The following NUBPL variants were observed in gnomAD, a reference collection of about 807,000 sequenced individuals.
NUBPL encodes NUBP iron-sulfur cluster assembly factor, mitochondrial, also known as iron-sulfur cluster transfer protein NUBPL.
Under a neutral mutation model 45.7 loss-of-function variants are expected in NUBPL, and 31 were observed. The ratio of observed to expected loss-of-function variants is 0.68; its 90% CI spans 0.51 to 0.92. NUBPL has a LOEUF of 0.92. NUBPL is among the 40% of genes least tolerant of loss of function. The probability of loss-of-function intolerance (pLI) is 0.00; values close to 1 mark genes in which losing one functional copy is unlikely to be tolerated. For synonymous variants in NUBPL, 144 were observed against 140.9 expected (o/e 1.02, Z -0.15); for missense variants, 401 against 398.7 (o/e 1.01, Z -0.05).
At chr14:31,653,654 A>C (rs1473621578) in intron 4 of NUBPL, among the ~76,000 whole-genome samples, 2 of 152,200 alleles carry the variant, frequency 1.3e-5, no homozygotes, top group African/African-American at 4.8e-5. Flanking sequence ...CATGTTTTAC[A>C]GTCAATTTGT....
At chr14:31,853,080 GTGTTT>G (rs77960720) in intron 10 of NUBPL, among the ~76,000 whole-genome samples, 1,978 of 118,294 alleles carry the variant, frequency 0.017, 50 homozygotes, top group African/African-American at 0.097. Context: ...GTGTTGTGTT[GTGTTT>G]TGTTTTGTTT....
At chr14:31,641,613 G>C (rs2035702211) in intron 4 of NUBPL, among the ~76,000 whole-genome samples, 1 of 152,160 alleles carries the variant, frequency 6.6e-6, no homozygotes, top group Non-Finnish European at 1.5e-5. Flanking sequence ...CCATATTTTA[G>C]GTCTTGTGAA....
At chr14:31,854,912 A>C (rs901274487) in intron 10 of NUBPL, among the ~76,000 whole-genome samples, 11 of 152,268 alleles carry the variant, frequency 7.2e-5, no homozygotes, top group African/African-American at 2.7e-4. Context: ...TGAGAAATTG[A>C]AACTGTTAAA....
chr14:31,582,544 A>G (rs2139499179), intron 3 of NUBPL, among the ~76,000 whole-genome samples: 1 of 152,284 alleles, frequency 6.6e-6, no homozygotes, highest in East Asian at 1.9e-4. Flanking sequence ...TGTTTGCAGC[A>G]ACACTGGAGT....
At chr14:31,837,952 A>AATT (rs1400256326) in intron 8 of NUBPL, among the ~76,000 whole-genome samples, 1 of 152,184 alleles carries the variant, frequency 6.6e-6, no homozygotes, top group Non-Finnish European at 1.5e-5. Flanking sequence ...AGTAATGTGT[A>AATT]ATGCCTAAGC....
At chr14:31,639,643 A>G (rs190015161) in intron 4 of NUBPL, among the ~76,000 whole-genome samples, 53 of 152,278 alleles carry the variant, frequency 3.5e-4, no homozygotes, top group African/African-American at 1.2e-3. Flanking sequence ...AAGTCTGCAG[A>G]CGTTACTGCT....
chr14:31,576,713 C>T (rs145211110), intron 3 of NUBPL, among the ~76,000 whole-genome samples: 1,994 of 152,306 alleles, frequency 0.013, 20 homozygotes, highest in Middle Eastern at 0.024. Flanking sequence ...CCACTTTTAT[C>T]AGGTCCTCTA....
intron 6 of NUBPL, among the ~76,000 whole-genome samples, chr14:31,705,606 A>G (rs1188546879): frequency 2.0e-5 from 3 of 152,088 alleles, no homozygotes; most frequent in Non-Finnish European, 4.4e-5. Flanking sequence ...AGCTAGACAC[A>G]GAGTGCTGAT....
rs144089506 is a variant in NUBPL, at chr14:31,751,990, C to T, written c.514-35790C>T. ...TGAATTGTACCTTGGCCTCTTTTAG[C>T]CATGGCTGGAGCCTGGAGGAGCTGG... On this transcript the variant is annotated intron_variant, in intron 6 of 10. Coordinates refer to ENST00000281081, the MANE Select transcript of NUBPL (RefSeq NM_025152.3). 3.0e-4 allele frequency among the ~76,000 whole-genome samples: 46 copies of T among 152,296 alleles called. 1 individual carries two copies. In the Middle Eastern group the frequency reaches 0.01, roughly 34 times the overall value.
chr14:31,841,917 C>CTTTTGTTTTTGTTTTTT lies in NUBPL; in HGVS notation c.694-4550_694-4549insGTTTTTGTTTTTTTTTT. ...CTTTCATGTATGGGTCGATTCTGGG[C>CTTTTGTTTTTGTTTTTT]TTTTTTTTTTTTTTTTTTTTTTTTT... On this transcript the variant is annotated intron_variant, in intron 8 of 10. Transcript: ENST00000281081. 1.7e-3 allele frequency among the ~76,000 whole-genome samples: 73 copies of CTTTTGTTTTTGTTTTTT among 43,042 alleles called. 7 individuals are homozygous for CTTTTGTTTTTGTTTTTT. The highest frequency in any genetic ancestry group is 2.4e-3 in the East Asian group (3 of 1,240). The allele number at this position is 43,042 out of a possible 152,430, so 28.2% of individuals were successfully genotyped here. A position where few individuals can be genotyped will look rare whatever the true frequency, so the allele number is the denominator to read the frequency against.
At chr14:31,621,370 G>A (rs1230346452) in intron 4 of NUBPL, among the ~76,000 whole-genome samples, 1 of 152,156 alleles carries the variant, frequency 6.6e-6, no homozygotes, top group Non-Finnish European at 1.5e-5. Flanking sequence ...GTCTGCCTAA[G>A]TGGCCTCCCA....
chr14:31,721,486 A>T (rs1200029990), intron 6 of NUBPL, among the ~76,000 whole-genome samples: 1 of 152,126 alleles, frequency 6.6e-6, no homozygotes, highest in African/African-American at 2.4e-5. Context: ...TAATTTTATT[A>T]TGTAGGGTAA....
chr14:31,779,746 G>C (rs1378847929), intron 6 of NUBPL, among the ~76,000 whole-genome samples: 3 of 152,168 alleles, frequency 2.0e-5, no homozygotes, highest in Admixed American at 2.0e-4. Context: ...AGTGCACAGA[G>C]TTACAATCTA....
intron 6 of NUBPL, among the ~76,000 whole-genome samples, chr14:31,710,711 C>A (rs973209182): frequency 1.3e-5 from 2 of 152,160 alleles, no homozygotes; most frequent in Non-Finnish European, 2.9e-5. Context: ...GGGAAGGGAT[C>A]TCCAGGGTTG....
chr14:31,598,717 TATA>T (rs2034347941), intron 3 of NUBPL, among the ~76,000 whole-genome samples: 1 of 152,230 alleles, frequency 6.6e-6, no homozygotes, highest in Admixed American at 6.5e-5. Flanking sequence ...GTGACTTGCA[TATA>T]AGAGGTTGTC....
At chr14:31,704,382 G>T (rs7156969) in intron 6 of NUBPL, among the ~76,000 whole-genome samples, 44,802 of 151,778 alleles carry the variant, frequency 0.3, 7,414 homozygotes, top group South Asian at 0.41. Context: ...AAGTATAATT[G>T]GCCAGGCATG....
rs1595485540 is a variant in NUBPL, at chr14:31,681,486, C to CA, written c.513+7919dup. 3.5e-4 allele frequency among the ~76,000 whole-genome samples: 45 copies of CA among 127,172 alleles called. No homozygotes were observed. In the East Asian group the frequency reaches 0.011, roughly 31 times the overall value. 83.4% of individuals were successfully genotyped at this position (127,172 alleles called of 152,430 possible). ...TATAAACTTTACTGGTTTTTTTTTT[C>CA]AAAAAAACCGACTTTTCACCCTTAG... On this transcript the variant is annotated intron_variant, in intron 6 of 10. Transcript: ENST00000281081.
chr14:31,681,529 G>A (rs1416921577), intron 6 of NUBPL, among the ~76,000 whole-genome samples: 1 of 148,834 alleles, frequency 6.7e-6, no homozygotes, highest in Non-Finnish European at 1.5e-5. Context: ...TCTGTCATAT[G>A]TTTGTTTCTT....
At chr14:31,756,154 T>A (rs2038657617) in intron 6 of NUBPL, among the ~76,000 whole-genome samples, 1 of 152,060 alleles carries the variant, frequency 6.6e-6, no homozygotes, top group African/African-American at 2.4e-5. Flanking sequence ...GCTTTGTTCT[T>A]TTGGCTTAGG....
Sources: allele counts gnomAD v4.1 joint callset (sites outside exome capture counted in the v4.1 genomes callset), GRCh38; gene constraint gnomAD v4.1.1; transcripts MANE v1.5; gene names NCBI Gene and HGNC (gene_info 2026-07-23, HGNC 2026-07-21).